The following DPP6 variants were observed in gnomAD, a reference collection of about 807,000 sequenced individuals.
DPP6 encodes dipeptidyl peptidase like 6.
In DPP6, 69 loss-of-function variants were observed where a neutral mutation model predicts 122.6. The observed-to-expected ratio is 0.56, with a 90% CI of 0.46 to 0.69. The LOEUF is 0.69. DPP6 is among the 30% of genes least tolerant of loss of function. The probability of loss-of-function intolerance (pLI) is 0.00; values close to 1 mark genes in which losing one functional copy is unlikely to be tolerated. For synonymous variants in DPP6, 418 were observed against 433.1 expected (o/e 0.97, Z 0.43); for missense variants, 928 against 1,116.9 (o/e 0.83, Z 2.41).
At chr7:153,763,284 C>T in the DPP6 span, among the ~76,000 whole-genome samples, 4 of 151,706 alleles carry the variant, frequency 2.6e-5, no homozygotes, top group East Asian at 1.9e-4. Context: ...TACTCTCACT[C>T]GCCATTACCA....
At chr7:153,982,879 C>T (rs1316709731) in intron 1 of DPP6, among the ~76,000 whole-genome samples, 2 of 152,238 alleles carry the variant, frequency 1.3e-5, no homozygotes, top group Non-Finnish European at 2.9e-5. Context: ...GTGAAGGCTG[C>T]AGAACAGCAA....
At chr7:154,548,477 G>C (rs1042321154) in intron 4 of DPP6, among the ~76,000 whole-genome samples, 1 of 149,778 alleles carries the variant, frequency 6.7e-6, no homozygotes, top group Admixed American at 6.7e-5. Flanking sequence ...ACAGTGAGCC[G>C]AGATGGTGCC....
the DPP6 span, among the ~76,000 whole-genome samples, chr7:153,766,119 C>A: frequency 6.6e-6 from 1 of 152,186 alleles, no homozygotes; most frequent in Non-Finnish European, 1.5e-5. Flanking sequence ...TTATGATTGA[C>A]AAATCAGTCG....
chr7:154,504,797 G>GT (rs34729018), intron 3 of DPP6, among the ~76,000 whole-genome samples: 33,185 of 142,738 alleles, frequency 0.23, 3,789 homozygotes, highest in East Asian at 0.36. Context: ...GTATCAGGGT[G>GT]TTTTTTTTTT....
intron 25 of DPP6, among the ~76,000 whole-genome samples, chr7:154,891,975 G>A (rs1806648496): frequency 6.6e-6 from 1 of 152,198 alleles, no homozygotes; most frequent in South Asian, 2.1e-4. Flanking sequence ...GATCCGGACT[G>A]TAGAGTGTTG....
At chr7:154,879,856 C>T (rs1044891536) in intron 20 of DPP6, among the ~76,000 whole-genome samples, 1 of 152,106 alleles carries the variant, frequency 6.6e-6, no homozygotes, top group Non-Finnish European at 1.5e-5. Flanking sequence ...TAAACAGGGC[C>T]CCTACACCAC....
chr7:154,239,445 G>A (rs1801429927), intron 1 of DPP6, among the ~76,000 whole-genome samples: 1 of 152,054 alleles, frequency 6.6e-6, no homozygotes, highest in Non-Finnish European at 1.5e-5. Context: ...AAGATGAGGA[G>A]GATAAAGATC....
intron 5 of DPP6, among the ~76,000 whole-genome samples, chr7:154,592,490 G>A (rs138430851): frequency 2.5e-3 from 382 of 152,324 alleles, no homozygotes; most frequent in African/African-American, 8.7e-3. Flanking sequence ...CCCTGCGCTC[G>A]TGGATCTTAC....
the DPP6 span, among the ~76,000 whole-genome samples, chr7:153,869,379 T>C: frequency 6.6e-5 from 10 of 152,246 alleles, no homozygotes; most frequent in Non-Finnish European, 1.3e-4. Flanking sequence ...GCTCTTCTTG[T>C]TGAATTAATC....
At chr7:154,127,646 C>CAG (rs1174681496) in intron 1 of DPP6, among the ~76,000 whole-genome samples, 1,878 of 64,980 alleles carry the variant, frequency 0.029, 31 homozygotes, top group African/African-American at 0.087. Context: ...CACACACACA[C>CAG]ACACAGACAC....
chr7:153,993,849 C>T (rs1461921761), intron 1 of DPP6, among the ~76,000 whole-genome samples: 1 of 152,192 alleles, frequency 6.6e-6, no homozygotes, highest in Non-Finnish European at 1.5e-5. Context: ...AGTACATCTC[C>T]TGTCTTTAGC....
Position 154,786,021 on chromosome 7 carries a change from C to A in DPP6, c.1137-8058C>A, listed in dbSNP as rs529121829. On this transcript the variant is annotated intron_variant, in intron 10 of 25. Transcript: ENST00000377770. ...CTGGTATTGTCTGGACTACTTTTTCCAACCTCTACACTAAGGCCATCCTGG... is the reference window on the plus strand; with the variant it reads ...CTGGTATTGTCTGGACTACTTTTTCAAACCTCTACACTAAGGCCATCCTGG... Among the ~76,000 whole-genome samples the A allele has an allele frequency of 3.9e-5, 6 of 152,200 alleles. No homozygotes were observed. The East Asian group carries it at 1.2e-3, about 29-fold the overall frequency.
intron 16 of DPP6, among the ~76,000 whole-genome samples, chr7:154,824,226 T>C (rs191229665): frequency 1.1e-3 from 173 of 151,558 alleles, no homozygotes; most frequent in African/African-American, 4.0e-3. Context: ...CAAAAGTAGA[T>C]AACTTATTCC....
intron 8 of DPP6, among the ~76,000 whole-genome samples, chr7:154,757,500 T>A (rs1454697177): frequency 6.6e-6 from 1 of 152,252 alleles, no homozygotes. Context: ...TGGTCTTGAA[T>A]GATTTTTACA....
At chr7:153,895,678 G>A (rs933634398) in intron 1 of DPP6, among the ~76,000 whole-genome samples, 1 of 152,004 alleles carries the variant, frequency 6.6e-6, no homozygotes. Context: ...GACCCAGGAA[G>A]ACTGTATATG....
At chr7:153,810,574 T>C in the DPP6 span, among the ~76,000 whole-genome samples, 2 of 152,124 alleles carry the variant, frequency 1.3e-5, no homozygotes, top group Non-Finnish European at 2.9e-5. Context: ...CCAAAATCAA[T>C]GGAAATTTAA....
the DPP6 span, among the ~76,000 whole-genome samples, chr7:153,807,663 A>G: frequency 2.2e-4 from 33 of 151,838 alleles, 3 homozygotes; most frequent in African/African-American, 8.0e-4. Context: ...GTGATGAATT[A>G]TTCCTTAAAT....
At chr7:154,463,306 C>A (rs1048646592) in intron 2 of DPP6, among the ~76,000 whole-genome samples, 3 of 144,410 alleles carry the variant, frequency 2.1e-5, no homozygotes, top group Admixed American at 1.4e-4. Flanking sequence ...CTCCCGGGTT[C>A]ACGCCATTCT....
chr7:153,984,360 C>T (rs1796740193), intron 1 of DPP6, among the ~76,000 whole-genome samples: 1 of 152,144 alleles, frequency 6.6e-6, no homozygotes, highest in African/African-American at 2.4e-5. Flanking sequence ...TAAAGAAAAA[C>T]TTTTTCATAG....
Sources: allele counts gnomAD v4.1 joint callset (sites outside exome capture counted in the v4.1 genomes callset), GRCh38; gene constraint gnomAD v4.1.1; transcripts MANE v1.5; gene names NCBI Gene and HGNC (gene_info 2026-07-23, HGNC 2026-07-21).